Variants in CENPL observed in about 807,000 individuals in gnomAD.
CENPL encodes the protein interphase centromere complex protein 33.
A neutral mutation model predicts 35.2 loss-of-function variants in CENPL; 20 were observed. That is an observed-to-expected ratio of 0.57 (90% CI 0.40 to 0.83). The LOEUF is 0.83. Ranked by LOEUF, CENPL falls within the 40% of genes least tolerant of loss-of-function variation. The pLI is 0.00. For missense variants in CENPL, 363 were observed against 395.8 expected (o/e 0.92, Z 0.70); for synonymous variants, 140 against 140.6 (o/e 1.00, Z 0.03).
chr1:173,804,586 T>C (rs1650043609), intron 4 of CENPL, among the ~76,000 whole-genome samples: 1 of 152,226 alleles, frequency 6.6e-6, no homozygotes, highest in African/African-American at 2.4e-5. Context: ...ATTGCAGTTT[T>C]CTGGTTTTTA....
intron 4 of CENPL, among the ~76,000 whole-genome samples, chr1:173,804,841 T>C (rs1650062171): frequency 6.6e-6 from 1 of 152,242 alleles, no homozygotes; most frequent in African/African-American, 2.4e-5. Context: ...CAAAGAACTC[T>C]GTTAAAGCAT....
chr1:173,817,157 AAAAT>A (rs1299859698), intron 2 of CENPL, among the ~76,000 whole-genome samples: 1 of 152,030 alleles, frequency 6.6e-6, no homozygotes, highest in Non-Finnish European at 1.5e-5. Context: ...AGAAAGCAAA[AAAAT>A]AAATAAATAA....
Position 173,824,472 on chromosome 1 carries a change from A to G in CENPL, c.-362T>C, listed in dbSNP as rs1652349879. On this transcript the variant is annotated 5_prime_UTR_variant, in exon 1 of 6. Coordinates refer to ENST00000682279, the MANE Select transcript of CENPL (RefSeq NM_001387287.1). ...ATTCCGTATCAGTGAAGCAACTAAAATTGCCATTTTAACTGAGGGCAAGGC... is the reference window on the plus strand; with the variant it reads ...ATTCCGTATCAGTGAAGCAACTAAAGTTGCCATTTTAACTGAGGGCAAGGC... 6.6e-6 allele frequency: 1 copy of G among 152,234 alleles called. No individual in the cohort carries two copies. Among genetic ancestry groups the G allele is most frequent in the African/African-American group, 2.4e-5 (1 of 41,466 alleles). 9.4% of individuals were successfully genotyped at this position (152,234 alleles called of 1,614,324 possible). A position where few individuals can be genotyped will look rare whatever the true frequency, so the allele number is the denominator to read the frequency against.
At chr1:173,805,603 G>A (rs1345890494) in intron 4 of CENPL, among the ~76,000 whole-genome samples, 1 of 151,538 alleles carries the variant, frequency 6.6e-6, no homozygotes. Context: ...AAGATGTAAA[G>A]AGAAGTTACT....
At chr1:173,806,622 T>C (rs924192640) in intron 4 of CENPL, 2 of 277,428 alleles carry the variant, frequency 7.2e-6, no homozygotes. Flanking sequence ...CAACATTTTA[T>C]ATTCCTTCCT....
chr1:173,811,737 C>T (rs757021664), intron 2 of CENPL, among the ~76,000 whole-genome samples: 16 of 152,196 alleles, frequency 1.1e-4, no homozygotes, highest in Non-Finnish European at 1.8e-4. Flanking sequence ...TCTGCAGCTC[C>T]CAGCATGATC....
At chr1:173,822,622 C>T (rs1223412160) in intron 2 of CENPL, 2 of 152,126 alleles carry the variant, frequency 1.3e-5, no homozygotes, top group Non-Finnish European at 2.9e-5. Flanking sequence ...GTAATAATTC[C>T]ATTCTTCCTT....
intron 3 of CENPL, among the ~76,000 whole-genome samples, chr1:173,808,105 C>T (rs1650409338): frequency 6.6e-6 from 1 of 151,980 alleles, no homozygotes; most frequent in Non-Finnish European, 1.5e-5. Context: ...TTTGATTAGT[C>T]TTAATTTAAA....
chr1:173,805,077 G>A (rs1453259034), intron 4 of CENPL, among the ~76,000 whole-genome samples: 1 of 152,152 alleles, frequency 6.6e-6, no homozygotes, highest in African/African-American at 2.4e-5. Flanking sequence ...ACTATACCAG[G>A]AATTCAAGAG....
At position 173,814,874 on chromosome 1, in the gene CENPL, C is replaced by A. The variant is rs554284302; in HGVS notation, c.-7-3568G>T. ...GAGATAGAAACACAAAAAAACTCTTCAAAAAAATCAATGAATCCAGGAGCT... is the reference window on the plus strand; with the variant it reads ...GAGATAGAAACACAAAAAAACTCTTAAAAAAAATCAATGAATCCAGGAGCT... On this transcript the variant is annotated intron_variant, in intron 2 of 5. Transcript: ENST00000682279. Among the ~76,000 whole-genome samples the A allele has an allele frequency of 2.6e-5, 4 of 151,976 alleles. No individual in the cohort carries two copies. The South Asian group carries it at 8.3e-4, about 32-fold the overall frequency.
At chr1:173,809,324 T>C (rs542177227) in intron 3 of CENPL, among the ~76,000 whole-genome samples, 5 of 145,674 alleles carry the variant, frequency 3.4e-5, no homozygotes, top group East Asian at 4.1e-4. Flanking sequence ...GCCTGGGTGA[T>C]AGAGCAAGAC....
chr1:173,822,657 A>C (rs1652067563), intron 2 of CENPL: 1 of 152,174 alleles, frequency 6.6e-6, no homozygotes, highest in South Asian at 2.1e-4. Flanking sequence ...CCACTAAAAA[A>C]ACTTTCATCA....
chr1:173,806,753 G>A (rs928346604), intron 4 of CENPL, among the ~76,000 whole-genome samples: 4 of 151,872 alleles, frequency 2.6e-5, no homozygotes, highest in African/African-American at 9.7e-5. Flanking sequence ...AAACTCCTAG[G>A]CTCAGGTGAT....
At chr1:173,804,943 A>T (rs1650073277) in intron 4 of CENPL, among the ~76,000 whole-genome samples, 1 of 152,230 alleles carries the variant, frequency 6.6e-6, no homozygotes, top group African/African-American at 2.4e-5. Flanking sequence ...CTCCTTGTTC[A>T]AGAAATTATG....
At chr1:173,824,189 C>G (rs1384173352) in intron 1 of CENPL, 23 bp downstream of exon 1, 1 of 152,302 alleles carries the variant, frequency 6.6e-6, no homozygotes, top group Non-Finnish European at 1.5e-5. Context: ...CGACTTCACT[C>G]TGGGAGGGAC....
chr1:173,813,282 C>T (rs1651021106), intron 2 of CENPL, among the ~76,000 whole-genome samples: 1 of 152,174 alleles, frequency 6.6e-6, no homozygotes, highest in Non-Finnish European at 1.5e-5. Flanking sequence ...CTTCCCCAAC[C>T]TAGCAAGGCA....
chr1:173,802,044 AC>A (rs548979723), intron 5 of CENPL, among the ~76,000 whole-genome samples: 37 of 151,714 alleles, frequency 2.4e-4, no homozygotes, highest in Non-Finnish European at 4.3e-4. Flanking sequence ...CAAAAAGCAC[AC>A]ACAGAAAAAA....
intron 2 of CENPL, among the ~76,000 whole-genome samples, chr1:173,812,753 C>T (rs891447726): frequency 2.0e-5 from 3 of 152,144 alleles, no homozygotes; most frequent in Non-Finnish European, 2.9e-5. Context: ...ATTCTAAAAA[C>T]CAGAGGGCCT....
At chr1:173,815,740 G>A (rs544406028) in intron 2 of CENPL, among the ~76,000 whole-genome samples, 1 of 152,170 alleles carries the variant, frequency 6.6e-6, no homozygotes, top group Non-Finnish European at 1.5e-5. Flanking sequence ...ATACTGAATG[G>A]GCAAAAACTG....
Sources: allele counts gnomAD v4.1 joint callset (sites outside exome capture counted in the v4.1 genomes callset), GRCh38; gene constraint gnomAD v4.1.1; transcripts MANE v1.5; gene names NCBI Gene and HGNC (gene_info 2026-07-23, HGNC 2026-07-21).